MYO3B: variants seen among roughly 807,000 people sequenced by gnomAD.
The protein encoded by MYO3B is myosin IIIB.
A neutral mutation model predicts 174.6 loss-of-function variants in MYO3B; 156 were observed. The ratio of observed to expected loss-of-function variants is 0.89; its 90% CI spans 0.78 to 1.02. MYO3B has a LOEUF of 1.02. Ranked by LOEUF, MYO3B falls within the 50% of genes least tolerant of loss-of-function variation. The pLI, the probability that MYO3B is intolerant of heterozygous loss-of-function variation, is 0.00. For missense variants in MYO3B, 1,632 were observed against 1,639.4 expected (o/e 1.00, Z 0.08); for synonymous variants, 563 against 569.1 (o/e 0.99, Z 0.15).
intron 32 of MYO3B, among the ~76,000 whole-genome samples, chr2:170,602,631 A>G (rs1694584709): frequency 6.6e-6 from 1 of 152,138 alleles, no homozygotes; most frequent in Non-Finnish European, 1.5e-5. Context: ...CAGTTGGACT[A>G]TTATAATGTC....
intron 22 of MYO3B, among the ~76,000 whole-genome samples, chr2:170,426,413 G>A (rs184447727): frequency 6.0e-5 from 9 of 149,972 alleles, no homozygotes; most frequent in African/African-American, 2.2e-4. Flanking sequence ...TCAGCTCACT[G>A]CAAGCTCTGC....
At chr2:170,642,696 T>C (rs1698070957) in intron 32 of MYO3B, among the ~76,000 whole-genome samples, 1 of 152,152 alleles carries the variant, frequency 6.6e-6, no homozygotes, top group African/African-American at 2.4e-5. Context: ...CTAAGCTCCT[T>C]GAGCCTCAGA....
intron 25 of MYO3B, among the ~76,000 whole-genome samples, chr2:170,469,968 G>T (rs189806610): frequency 0.017 from 2,540 of 149,974 alleles, 47 homozygotes; most frequent in Non-Finnish European, 0.027. Flanking sequence ...TGGGTGTGTT[G>T]GTGCATGCCT....
At chr2:170,359,876 C>T (rs528343540) in intron 8 of MYO3B, among the ~76,000 whole-genome samples, 19 of 152,308 alleles carry the variant, frequency 1.2e-4, no homozygotes, top group African/African-American at 4.3e-4. Context: ...AAGCAAATGT[C>T]TCATTCCAGG....
At chr2:170,580,177 A>C (rs1693039197) in intron 32 of MYO3B, among the ~76,000 whole-genome samples, 2 of 152,056 alleles carry the variant, frequency 1.3e-5, no homozygotes, top group African/African-American at 4.8e-5. Context: ...GTAATCATAA[A>C]GGCATGTCTA....
chr2:170,501,406 C>T (rs1197959354), intron 27 of MYO3B, among the ~76,000 whole-genome samples: 2 of 152,338 alleles, frequency 1.3e-5, no homozygotes, highest in East Asian at 1.9e-4. Flanking sequence ...CAGTTCCTTT[C>T]TACCATCCCT....
At chr2:170,623,517 G>C (rs1226700654) in intron 32 of MYO3B, among the ~76,000 whole-genome samples, 1 of 152,134 alleles carries the variant, frequency 6.6e-6, no homozygotes, top group Non-Finnish European at 1.5e-5. Context: ...CTCCTATTCT[G>C]TAGGTTGCCT....
intron 25 of MYO3B, among the ~76,000 whole-genome samples, chr2:170,491,857 C>G (rs1463024332): frequency 6.6e-6 from 1 of 152,082 alleles, no homozygotes; most frequent in Non-Finnish European, 1.5e-5. Flanking sequence ...AGTTCAAGAC[C>G]AGCCTGGTCA....
At chr2:170,482,343 C>T (rs759106167) in intron 25 of MYO3B, among the ~76,000 whole-genome samples, 2 of 152,096 alleles carry the variant, frequency 1.3e-5, no homozygotes, top group African/African-American at 2.4e-5. Context: ...TTAGTAGAGA[C>T]GGGGTTTCAC....
At chr2:170,268,007 A>G (rs1423086836) in intron 7 of MYO3B, among the ~76,000 whole-genome samples, 3 of 152,194 alleles carry the variant, frequency 2.0e-5, no homozygotes, top group African/African-American at 4.8e-5. Flanking sequence ...CAGGAGTTCG[A>G]GACCAGCCTG....
chr2:170,276,392 C>A (rs1476512575), intron 7 of MYO3B, among the ~76,000 whole-genome samples: 1 of 152,090 alleles, frequency 6.6e-6, no homozygotes. Flanking sequence ...GTTGTAGAAC[C>A]CATATGCTTA....
chr2:170,545,118 T>C (rs1690394504), intron 32 of MYO3B, among the ~76,000 whole-genome samples: 1 of 152,226 alleles, frequency 6.6e-6, no homozygotes, highest in African/African-American at 2.4e-5. Context: ...CTATTTGTCC[T>C]ATCTAGTTTT....
intron 32 of MYO3B, chr2:170,601,612 A>C: frequency 1.7e-6 from 2 of 1,202,460 alleles, no homozygotes; most frequent in Non-Finnish European, 2.5e-6. Flanking sequence ...GAACCAACTT[A>C]TTCATCATCA....
chr2:170,453,397 A>G (rs72878262), intron 23 of MYO3B, among the ~76,000 whole-genome samples: 9,604 of 134,382 alleles, frequency 0.071, 406 homozygotes, highest in Non-Finnish European at 0.09. Context: ...ACTAACAGTG[A>G]TGTTTACCAT....
intron 7 of MYO3B, among the ~76,000 whole-genome samples, chr2:170,328,009 C>A (rs2093881901): frequency 6.6e-6 from 1 of 151,886 alleles, no homozygotes; most frequent in Non-Finnish European, 1.5e-5. Flanking sequence ...TCAGACGATC[C>A]TCCTGCCTCA....
chr2:170,305,966 C>T (rs2093698224), intron 7 of MYO3B, among the ~76,000 whole-genome samples: 1 of 152,138 alleles, frequency 6.6e-6, no homozygotes, highest in Admixed American at 6.5e-5. Flanking sequence ...CAGGGCAGAG[C>T]TTAGCTGGGT....
intron 22 of MYO3B, among the ~76,000 whole-genome samples, chr2:170,426,726 A>C (rs1025122754): frequency 6.6e-6 from 1 of 152,138 alleles, no homozygotes; most frequent in Non-Finnish European, 1.5e-5. Context: ...GGGAGTAGAA[A>C]TAGATACTTA....
intron 23 of MYO3B, among the ~76,000 whole-genome samples, chr2:170,445,333 G>A (rs1478951757): frequency 6.6e-6 from 1 of 150,410 alleles, no homozygotes; most frequent in Non-Finnish European, 1.5e-5. Context: ...CACACTTGCG[G>A]GGATACATTT....
intron 1 of MYO3B, among the ~76,000 whole-genome samples, chr2:170,191,458 A>G (rs566098025): frequency 6.6e-6 from 1 of 152,132 alleles, no homozygotes; most frequent in East Asian, 1.9e-4. Flanking sequence ...TTAGAACCCC[A>G]GAGCAATTTA....
Sources: allele counts gnomAD v4.1 joint callset (sites outside exome capture counted in the v4.1 genomes callset), GRCh38; gene constraint gnomAD v4.1.1; transcripts MANE v1.5; gene names NCBI Gene and HGNC (gene_info 2026-07-23, HGNC 2026-07-21).